Variants in KSR2 observed in about 807,000 individuals in gnomAD.
The protein encoded by KSR2 is kinase suppressor of ras 2.
A neutral mutation model predicts 107.8 loss-of-function variants in KSR2; 25 were observed. That is an observed-to-expected ratio of 0.23 (90% CI 0.17 to 0.32). The LOEUF (loss-of-function observed/expected upper bound fraction) is 0.32. KSR2 is among the 10% of genes least tolerant of loss of function. The probability of loss-of-function intolerance (pLI) is 1.00; values close to 1 mark genes in which losing one functional copy is unlikely to be tolerated. For synonymous variants in KSR2, 480 were observed against 507.0 expected (o/e 0.95, Z 0.71); for missense variants, 887 against 1,268.9 (o/e 0.70, Z 4.57).
chr12:117,592,484 A>T (rs1317709780), intron 5 of KSR2, among the ~76,000 whole-genome samples: 1 of 152,158 alleles, frequency 6.6e-6, no homozygotes, highest in Non-Finnish European at 1.5e-5. Flanking sequence ...TCAAGCTAGG[A>T]TCCCCTTAAT....
At chr12:117,742,005 T>C (rs1381581145) in intron 4 of KSR2, among the ~76,000 whole-genome samples, 1 of 152,236 alleles carries the variant, frequency 6.6e-6, no homozygotes, top group African/African-American at 2.4e-5. Flanking sequence ...TTTCACCAAA[T>C]GATCACAGTT....
chr12:117,850,970 A>C (rs1892900274), intron 3 of KSR2, among the ~76,000 whole-genome samples: 1 of 152,208 alleles, frequency 6.6e-6, no homozygotes, highest in East Asian at 1.9e-4. Flanking sequence ...ATTGCTCCCC[A>C]AAACAGGTAA....
At chr12:117,585,063 T>C (rs1464162) in intron 5 of KSR2, among the ~76,000 whole-genome samples, 29,203 of 152,184 alleles carry the variant, frequency 0.19, 3,338 homozygotes, top group East Asian at 0.33. Context: ...TGTCTGTGTG[T>C]GTGTGTGCGT....
chr12:117,861,378 CTTTTTTTTTTTTTTT>C (rs5801257), intron 1 of KSR2, among the ~76,000 whole-genome samples: 954 of 81,716 alleles, frequency 0.012, 27 homozygotes, highest in East Asian at 0.065. Flanking sequence ...TCCCAATTCG[CTTTTTTTTTTTTTTT>C]TTTTTTTTTT....
chr12:117,672,657 C>T (rs1420307537), intron 4 of KSR2, among the ~76,000 whole-genome samples: 2 of 152,028 alleles, frequency 1.3e-5, no homozygotes, highest in African/African-American at 2.4e-5. Flanking sequence ...CTGAGTCTTG[C>T]TCTGTCACCC....
At chr12:117,533,005 G>C (rs1004799197) in intron 10 of KSR2, among the ~76,000 whole-genome samples, 4 of 152,108 alleles carry the variant, frequency 2.6e-5, no homozygotes, top group Admixed American at 2.0e-4. Flanking sequence ...TCTGCCCTTG[G>C]CTATTTGTAG....
At chr12:117,482,101 G>A (rs1278129026) in intron 16 of KSR2, among the ~76,000 whole-genome samples, 1 of 152,062 alleles carries the variant, frequency 6.6e-6, no homozygotes, top group African/African-American at 2.4e-5. Context: ...GTGGAGCCCA[G>A]TTGCTACATA....
intron 4 of KSR2, among the ~76,000 whole-genome samples, chr12:117,734,240 C>T (rs1887844099): frequency 1.3e-5 from 2 of 148,176 alleles, no homozygotes; most frequent in Non-Finnish European, 3.0e-5. Flanking sequence ...GGCATTGCAC[C>T]ACTGCACTCC....
At chr12:117,672,626 C>A (rs570646810) in intron 4 of KSR2, among the ~76,000 whole-genome samples, 2 of 151,942 alleles carry the variant, frequency 1.3e-5, no homozygotes, top group Non-Finnish European at 2.9e-5. Flanking sequence ...AAATATCCAA[C>A]AAACTTTTTT....
rs1356704774 is a variant in KSR2 at position 117,455,034 on chromosome 12, C to CAGACAGAGAGAGAGAGAG, written c.*12164_*12165insCTCTCTCTCTCTCTGTCT. ...AGAGACAGACACAGAGACAGACAGA[C>CAGACAGAGAGAGAGAGAG]AGAGAGAGAGAGAGAGAGAGAGAGA... On this transcript the variant is annotated 3_prime_UTR_variant, in exon 20 of 20. Transcript: ENST00000339824. 1 of 91,578 alleles carries CAGACAGAGAGAGAGAGAG rather than the reference C, an allele frequency of 1.1e-5. No homozygotes were observed. Among genetic ancestry groups the CAGACAGAGAGAGAGAGAG allele is most frequent in the African/African-American group, 4.6e-5 (1 of 21,744 alleles). The allele number at this position is 91,578 out of a possible 1,614,324, so 5.7% of individuals were successfully genotyped here.
intron 7 of KSR2, among the ~76,000 whole-genome samples, chr12:117,573,673 G>A (rs1056601454): frequency 4.6e-5 from 7 of 151,814 alleles, no homozygotes; most frequent in East Asian, 1.9e-4. Flanking sequence ...GATTACAGGC[G>A]CCCATCACCA....
chr12:117,961,180 G>A (rs560485728), intron 1 of KSR2, among the ~76,000 whole-genome samples: 7 of 152,212 alleles, frequency 4.6e-5, no homozygotes, highest in South Asian at 2.1e-4. Flanking sequence ...CTAAGGGAAC[G>A]CAAGCATAAG....
intron 1 of KSR2, among the ~76,000 whole-genome samples, chr12:117,941,613 C>CTTTTTTTTTTTTT (rs139487553): frequency 1.9e-5 from 1 of 52,926 alleles, no homozygotes; most frequent in Non-Finnish European, 3.2e-5. Context: ...ACAGGCTTTC[C>CTTTTTTTTTTTTT]TTTTTTTTTT....
At chr12:117,792,583 T>C (rs1890293136) in intron 3 of KSR2, among the ~76,000 whole-genome samples, 1 of 152,194 alleles carries the variant, frequency 6.6e-6, no homozygotes. Context: ...AGGGCTATTA[T>C]TAGGAACCTC....
At chr12:117,467,251 CATG>C in intron 19 of KSR2, 46 bp from the exon 20 acceptor site, 1 of 701,480 alleles carries the variant, frequency 1.4e-6, no homozygotes, top group Non-Finnish European at 2.6e-6. Context: ...GTCACAAGGA[CATG>C]ATGATGTCAT....
chr12:117,866,075 C>T (rs1023463470), intron 1 of KSR2, among the ~76,000 whole-genome samples: 3 of 146,208 alleles, frequency 2.1e-5, no homozygotes, highest in East Asian at 2.1e-4. Flanking sequence ...CTCACTCTGT[C>T]GCCCAGGATG....
At chr12:117,754,828 T>C (rs923258835) in intron 4 of KSR2, among the ~76,000 whole-genome samples, 3 of 152,258 alleles carry the variant, frequency 2.0e-5, no homozygotes, top group Admixed American at 6.5e-5. Flanking sequence ...ATAGCCTTCC[T>C]AGCCTTCCTC....
intron 4 of KSR2, among the ~76,000 whole-genome samples, chr12:117,694,614 C>T (rs2136587933): frequency 6.6e-6 from 1 of 152,302 alleles, no homozygotes; most frequent in East Asian, 1.9e-4. Context: ...TGGTTCACAG[C>T]AGTTCACATG....
intron 1 of KSR2, among the ~76,000 whole-genome samples, chr12:117,944,714 C>T (rs1273883433): frequency 3.3e-5 from 5 of 151,574 alleles, no homozygotes; most frequent in Admixed American, 2.6e-4. Flanking sequence ...AAAAATTAGC[C>T]GAGGGTGGTA....
Sources: allele counts gnomAD v4.1 joint callset (sites outside exome capture counted in the v4.1 genomes callset), GRCh38; gene constraint gnomAD v4.1.1; transcripts MANE v1.5; gene names NCBI Gene and HGNC (gene_info 2026-07-23, HGNC 2026-07-21).